STK10: variants seen among roughly 807,000 people sequenced by gnomAD.
STK10 encodes serine/threonine-protein kinase 10.
STK10 carries 78 observed loss-of-function variants against 113.8 expected under a neutral mutation model. That is an observed-to-expected ratio of 0.69 (90% CI 0.57 to 0.83). The LOEUF (loss-of-function observed/expected upper bound fraction) is 0.83. STK10 is among the 40% of genes least tolerant of loss of function. The pLI is 0.00. For missense variants in STK10, 1,109 were observed against 1,280.1 expected (o/e 0.87, Z 2.04); for synonymous variants, 465 against 494.7 (o/e 0.94, Z 0.80).
chr5:172,168,274 G>A (rs1315445959), intron 1 of STK10, among the ~76,000 whole-genome samples: 2 of 152,192 alleles, frequency 1.3e-5, no homozygotes, highest in African/African-American at 2.4e-5. Context: ...TGATGAAGGC[G>A]GTCAATCGCA....
rs759777316 is a variant in STK10 at position 172,093,827 on chromosome 5, C to A, written c.1139G>T (p.Ser380Ile). 6.2e-7 allele frequency: 1 copy of A among 1,603,638 alleles called. No homozygotes were observed. Among genetic ancestry groups the A allele is most frequent in the South Asian group, 1.1e-5 (1 of 89,920 alleles). ...GAGGGATCTGTCCCCAGAGGGCTGG[C>A]TGCAGGGCTCATTCACACTGTCCTG... The part of the protein sequence containing the change: ...QSQDSVNEPC[S>I]QPSGDRSLQT... The change falls in exon 9 of 19, where the codon AGC becomes ATC. Residue 380 changes from serine (S) to isoleucine (I), a missense_variant. Physicochemically the swap from Ser to Ile is moderately radical, Grantham distance 142. Around this residue, in one of 5 missense-constraint regions of STK10, gnomAD observed 885 missense variants for 991.1 expected, o/e 0.89. Transcript: ENST00000176763. This position sits in a 1 kb window ranked among gnomAD's most constrained non-coding sequence, Gnocchi z 4.1.
chr5:172,172,377 T>A (rs984883488), intron 1 of STK10, among the ~76,000 whole-genome samples: 25 of 152,338 alleles, frequency 1.6e-4, no homozygotes, highest in African/African-American at 6.0e-4. Context: ...GGCCTTGATT[T>A]ACATGTTGTC....
chr5:172,119,476 G>A (rs1769457041), intron 3 of STK10, among the ~76,000 whole-genome samples: 1 of 152,140 alleles, frequency 6.6e-6, no homozygotes, highest in South Asian at 2.1e-4. Context: ...AGCTACTTAG[G>A]ATGCAAAGGT....
chr5:172,136,260 C>T (rs968616094), intron 2 of STK10, among the ~76,000 whole-genome samples: 2 of 152,088 alleles, frequency 1.3e-5, no homozygotes, highest in African/African-American at 4.8e-5. Context: ...AAACAGAAGA[C>T]CTGAATAGAT....
At chr5:172,105,808 T>C in intron 6 of STK10, 71 bp from the exon 7 acceptor site, 1 of 1,368,226 alleles carries the variant, frequency 7.3e-7, no homozygotes, top group East Asian at 2.3e-5. Flanking sequence ...CGTCACAGAC[T>C]CCACTGTCCC....
intron 4 of STK10, among the ~76,000 whole-genome samples, chr5:172,115,542 C>T (rs1200727745): frequency 6.6e-6 from 1 of 152,174 alleles, no homozygotes; most frequent in East Asian, 1.9e-4. Flanking sequence ...ATTTCTTCTC[C>T]AATTTGGCTC....
chr5:172,140,533 C>T (rs997096694), intron 2 of STK10, among the ~76,000 whole-genome samples: 5 of 152,038 alleles, frequency 3.3e-5, no homozygotes, highest in Non-Finnish European at 5.9e-5. Context: ...CTCGTCTCTA[C>T]TAAAAATACA....
chr5:172,121,915 G>A (rs945544085), intron 3 of STK10, among the ~76,000 whole-genome samples: 2 of 150,394 alleles, frequency 1.3e-5, no homozygotes, highest in East Asian at 2.0e-4. Context: ...ACCCAGGCTG[G>A]AATGCAGTGG....
chr5:172,151,844 C>T (rs1483249856), intron 2 of STK10, among the ~76,000 whole-genome samples: 2 of 152,238 alleles, frequency 1.3e-5, no homozygotes, highest in Non-Finnish European at 2.9e-5. Flanking sequence ...AGTCTAGCCT[C>T]GGTTCACGTT....
chr5:172,164,183 G>A (rs555206712), intron 1 of STK10, among the ~76,000 whole-genome samples: 2 of 140,562 alleles, frequency 1.4e-5, no homozygotes, highest in African/African-American at 5.4e-5. Flanking sequence ...TTGCACTCCA[G>A]CCCGGGCAAC....
intron 15 of STK10, 120 bp downstream of exon 15, chr5:172,057,229 T>C (rs1195117954): frequency 1.1e-5 from 16 of 1,449,204 alleles, no homozygotes; most frequent in Non-Finnish European, 1.5e-5. Flanking sequence ...CCCTGGCTCC[T>C]CTTGGGGGCA....
intron 17 of STK10, among the ~76,000 whole-genome samples, chr5:172,053,964 T>C (rs10038323): frequency 0.39 from 59,215 of 151,866 alleles, 11,572 homozygotes; most frequent in Middle Eastern, 0.44. Flanking sequence ...CACACAGTGG[T>C]AATCAGCAGA....
intron 14 of STK10, among the ~76,000 whole-genome samples, chr5:172,058,710 C>T (rs1034980621): frequency 1.3e-5 from 2 of 151,902 alleles, no homozygotes; most frequent in Non-Finnish European, 1.5e-5. Context: ...GGCAAAATGG[C>T]GAAACCCAGT....
At chr5:172,165,145 G>A (rs1258928836) in intron 1 of STK10, among the ~76,000 whole-genome samples, 1 of 152,258 alleles carries the variant, frequency 6.6e-6, no homozygotes, top group Admixed American at 6.5e-5. Flanking sequence ...GGCCAGCAGG[G>A]GACCCACCCC....
chr5:172,172,516 G>C (rs955664418), intron 1 of STK10, among the ~76,000 whole-genome samples: 2 of 152,236 alleles, frequency 1.3e-5, no homozygotes, highest in Non-Finnish European at 2.9e-5. Context: ...CTGGCCTCAT[G>C]ATGGTGCAGG....
At chr5:172,060,549 T>C (rs1767910236) in intron 14 of STK10, among the ~76,000 whole-genome samples, 1 of 152,228 alleles carries the variant, frequency 6.6e-6, no homozygotes, top group African/African-American at 2.4e-5. Context: ...GAGTAAGTCC[T>C]CTCCAGACCA....
chr5:172,103,104 G>A (rs116775937), intron 7 of STK10, among the ~76,000 whole-genome samples: 7 of 152,352 alleles, frequency 4.6e-5, no homozygotes, highest in East Asian at 3.9e-4. Context: ...CTTGGAAGCC[G>A]GTAGACACCC....
intron 7 of STK10, among the ~76,000 whole-genome samples, chr5:172,103,398 T>G (rs1561808526): frequency 6.6e-6 from 1 of 152,220 alleles, no homozygotes; most frequent in South Asian, 2.1e-4. Flanking sequence ...GCAGGACATT[T>G]TTTCCAAGTA....
At chr5:172,071,338 T>A (rs1404617577) in intron 12 of STK10, among the ~76,000 whole-genome samples, 14 of 22,388 alleles carry the variant, frequency 6.3e-4, no homozygotes, top group African/African-American at 1.4e-3. Flanking sequence ...GCAGGATAGG[T>A]AGCAAAAAAA....
Sources: gnomAD v4.1 joint callset for allele counts (sites outside exome capture counted in the v4.1 genomes callset) on GRCh38, gnomAD v4.1.1 for gene constraint, gnomAD v4.1.1 regional missense constraint, Gnocchi (gnomAD v3.1) non-coding constraint, MANE v1.5 for transcripts, NCBI Gene and HGNC (gene_info 2026-07-23, HGNC 2026-07-21) for gene names.